BTLA: variants seen among roughly 807,000 people sequenced by gnomAD.
The protein encoded by BTLA is B and T lymphocyte associated.
In BTLA, 11 loss-of-function variants were observed where a neutral mutation model predicts 25.0. That is an observed-to-expected ratio of 0.44 (90% confidence interval 0.28 to 0.73). The LOEUF (loss-of-function observed/expected upper bound fraction) is 0.73. Ranked by LOEUF, BTLA falls within the 30% of genes least tolerant of loss-of-function variation. The pLI, the probability that BTLA is intolerant of heterozygous loss-of-function variation, is 0.15. For synonymous variants in BTLA, 104 were observed against 119.8 expected (o/e 0.87, Z 0.86); for missense variants, 282 against 332.8 (o/e 0.85, Z 1.19).
chr3:112,486,860 CA>C (rs1189305345), intron 1 of BTLA, among the ~76,000 whole-genome samples: 1 of 151,964 alleles, frequency 6.6e-6, no homozygotes, highest in Non-Finnish European at 1.5e-5. Flanking sequence ...AAGTTTGCAC[CA>C]AATGACAAAA....
At chr3:112,498,566 G>GC (rs1191380201) in intron 1 of BTLA, among the ~76,000 whole-genome samples, 7 of 120,288 alleles carry the variant, frequency 5.8e-5, no homozygotes, top group South Asian at 5.0e-4. Context: ...AAAAGAAATT[G>GC]CCTTTTTTTT....
intron 3 of BTLA, among the ~76,000 whole-genome samples, chr3:112,470,997 G>A (rs113722785): frequency 1.4e-4 from 21 of 152,310 alleles, no homozygotes; most frequent in African/African-American, 4.8e-4. Flanking sequence ...GGAATACTGT[G>A]CGTGGTGAGC....
At chr3:112,481,517 G>A (rs753298622) in intron 1 of BTLA, among the ~76,000 whole-genome samples, 5 of 152,242 alleles carry the variant, frequency 3.3e-5, no homozygotes, top group Non-Finnish European at 5.9e-5. Flanking sequence ...ACAGAAACCT[G>A]AGGCAGATCT....
intron 2 of BTLA, among the ~76,000 whole-genome samples, chr3:112,477,235 TC>T (rs1300985049): frequency 7.2e-5 from 11 of 152,282 alleles, no homozygotes; most frequent in Admixed American, 6.5e-4. Context: ...GTAGGTTTTA[TC>T]TTTTGATTTT....
At chr3:112,489,289 C>A (rs928128626) in intron 1 of BTLA, among the ~76,000 whole-genome samples, 3 of 152,052 alleles carry the variant, frequency 2.0e-5, no homozygotes, top group Non-Finnish European at 4.4e-5. Flanking sequence ...TCTCGTAACT[C>A]CCAGCTGAGC....
rs966551809 is a variant in BTLA, at chr3:112,481,687, T to C, written c.89-1918A>G. Among the ~76,000 whole-genome samples the C allele has an allele frequency of 2.0e-4, 30 of 152,238 alleles. 1 individual carries two copies. On this transcript the variant is annotated intron_variant, in intron 1 of 4. Transcript: ENST00000334529. The stretch of plus-strand genomic sequence containing the variant: ...AGTACTTCACTCCCTTCTATCCATA[T>C]TAATCTCTTTAACAATGGTCACTAG...
intron 1 of BTLA, among the ~76,000 whole-genome samples, chr3:112,483,060 T>C (rs1208447059): frequency 6.6e-6 from 1 of 151,228 alleles, no homozygotes; most frequent in Admixed American, 6.6e-5. Context: ...GAGATGGTTA[T>C]AGACAAAGAT....
At chr3:112,497,445 G>A (rs556220216) in intron 1 of BTLA, among the ~76,000 whole-genome samples, 22 of 152,294 alleles carry the variant, frequency 1.4e-4, no homozygotes, top group Middle Eastern at 3.4e-3. Flanking sequence ...GCAAATGCTA[G>A]GTTGCACATT....
chr3:112,498,572 T>A (rs2082423363), intron 1 of BTLA, among the ~76,000 whole-genome samples: 1 of 144,316 alleles, frequency 6.9e-6, no homozygotes, highest in Non-Finnish European at 1.5e-5. Flanking sequence ...AATTGCCTTT[T>A]TTTTTTTTTT....
intron 1 of BTLA, among the ~76,000 whole-genome samples, chr3:112,499,008 G>C (rs141100538): frequency 6.6e-6 from 1 of 152,280 alleles, no homozygotes; most frequent in East Asian, 1.9e-4. Flanking sequence ...CATCTACTCA[G>C]TTCTCTTTTC....
rs183248019 is a variant in BTLA, at chr3:112,490,577, C to T, written c.88+8694G>A. On this transcript the variant is annotated intron_variant, in intron 1 of 4. Coordinates refer to ENST00000334529, the MANE Select transcript of BTLA (RefSeq NM_181780.4). ...ATATCACCTGATATTGCTCTTTAGACAAGAAGAGCCATTTTCTCCCTGGGT... is the reference window on the plus strand; with the variant it reads ...ATATCACCTGATATTGCTCTTTAGATAAGAAGAGCCATTTTCTCCCTGGGT... Among the ~76,000 whole-genome samples, 3 of 148,272 alleles carry T rather than the reference C, an allele frequency of 2.0e-5. No individual in the cohort carries two copies. In the East Asian group the frequency reaches 6.0e-4, roughly 29 times the overall value.
chr3:112,485,198 C>G (rs578155148), intron 1 of BTLA, among the ~76,000 whole-genome samples: 2 of 151,646 alleles, frequency 1.3e-5, no homozygotes, highest in African/African-American at 4.8e-5. Context: ...GCACCCACAA[C>G]CACGCCCGGC....
At chr3:112,488,230 T>TC (rs1356004685) in intron 1 of BTLA, among the ~76,000 whole-genome samples, 1 of 135,070 alleles carries the variant, frequency 7.4e-6, no homozygotes, top group African/African-American at 3.2e-5. Flanking sequence ...TCTTTTTTCT[T>TC]TTTTTTTTTT....
chr3:112,497,904 C>T (rs186254738), intron 1 of BTLA, among the ~76,000 whole-genome samples: 4 of 152,270 alleles, frequency 2.6e-5, no homozygotes, highest in Non-Finnish European at 5.9e-5. Flanking sequence ...TGAAAAATCA[C>T]TGGGCATGGT....
At position 112,479,623 on chromosome 3, in the gene BTLA, A is replaced by T; in HGVS notation, c.235T>A (p.Cys79Ser). Residue 79 changes from cysteine (C) to serine (S), a missense_variant, in exon 2 of 5, where the codon TGT (cysteine) becomes AGT (serine). Transcript: ENST00000334529. Reference protein sequence around the residue: ...VTWCKLNGTTCVKLEDRQTSW... With the variant: ...VTWCKLNGTTSVKLEDRQTSW... Reference sequence around the variant, plus strand: ...GTTTGTCTATCTTCAAGTTTTACACATGTTGTTCCATTGAGCTTGCACCAA... The same window carrying T: ...GTTTGTCTATCTTCAAGTTTTACACTTGTTGTTCCATTGAGCTTGCACCAA... 1 of 1,614,108 alleles carries T rather than the reference A, an allele frequency of 6.2e-7. No homozygotes were observed. The highest frequency in any genetic ancestry group is 8.5e-7 in the Non-Finnish European group (1 of 1,179,994).
chr3:112,493,483 G>A (rs1016948837), intron 1 of BTLA, among the ~76,000 whole-genome samples: 4 of 152,058 alleles, frequency 2.6e-5, no homozygotes, highest in African/African-American at 4.8e-5. Context: ...ATCAAAAAGT[G>A]GGCAAAGGAT....
At chr3:112,488,379 C>T (rs1445305194) in intron 1 of BTLA, among the ~76,000 whole-genome samples, 2 of 151,910 alleles carry the variant, frequency 1.3e-5, no homozygotes, top group South Asian at 2.1e-4. Flanking sequence ...CCCACCACCA[C>T]GCCCGGCTAA....
At chr3:112,487,903 C>A (rs1306102146) in intron 1 of BTLA, among the ~76,000 whole-genome samples, 1 of 152,184 alleles carries the variant, frequency 6.6e-6, no homozygotes, top group Non-Finnish European at 1.5e-5. Flanking sequence ...TCCAAGCCAA[C>A]CCCCAGGCAA....
At chr3:112,498,028 T>C (rs917882647) in intron 1 of BTLA, among the ~76,000 whole-genome samples, 9 of 152,026 alleles carry the variant, frequency 5.9e-5, no homozygotes, top group African/African-American at 2.2e-4. Context: ...TTGGCTGACT[T>C]TCTTAAAAAA....
Sources: gnomAD v4.1 joint callset for allele counts (sites outside exome capture counted in the v4.1 genomes callset) on GRCh38, gnomAD v4.1.1 for gene constraint, MANE v1.5 for transcripts, NCBI Gene and HGNC (gene_info 2026-07-23, HGNC 2026-07-21) for gene names.